The following CADM2 variants were observed in gnomAD, a reference collection of about 807,000 sequenced individuals.
The protein encoded by CADM2 is cell adhesion molecule 2.
In CADM2, 12 loss-of-function variants were observed where a neutral mutation model predicts 49.8. The observed-to-expected ratio is 0.24, with a 90% CI of 0.15 to 0.39. CADM2 has a LOEUF of 0.39. CADM2 is among the 10% of genes least tolerant of loss of function. CADM2 has a pLI of 1.00. For synonymous variants in CADM2, 214 were observed against 175.4 expected, an observed-to-expected ratio of 1.22 and a Z score of -1.74; for missense variants, 378 against 492.3, an observed-to-expected ratio of 0.77 and a Z score of 2.20.
At chr3:85,324,701 T>G (rs370624438) in intron 1 of CADM2, among the ~76,000 whole-genome samples, 1 of 152,250 alleles carries the variant, frequency 6.6e-6, no homozygotes, top group Admixed American at 6.5e-5. Context: ...ATGGGAGCTT[T>G]GTAAACTCTG....
At chr3:85,429,024 G>C (rs1019350153) in intron 1 of CADM2, among the ~76,000 whole-genome samples, 3 of 151,878 alleles carry the variant, frequency 2.0e-5, no homozygotes, top group African/African-American at 7.3e-5. Context: ...TTTGGTTTTA[G>C]TTTACTTGAC....
At chr3:85,859,530 C>T (rs2075445199) in intron 3 of CADM2, among the ~76,000 whole-genome samples, 1 of 152,126 alleles carries the variant, frequency 6.6e-6, no homozygotes, top group Non-Finnish European at 1.5e-5. Context: ...CTGTGCCTGG[C>T]CCATCCTGTG....
intron 1 of CADM2, among the ~76,000 whole-genome samples, chr3:84,966,483 A>T (rs912892678): frequency 2.6e-5 from 4 of 151,840 alleles, no homozygotes; most frequent in Non-Finnish European, 5.9e-5. Context: ...ATTTTTTTTT[A>T]AAGTAAATTT....
chr3:85,644,245 AAG>A (rs545604200), intron 1 of CADM2, among the ~76,000 whole-genome samples: 7 of 152,092 alleles, frequency 4.6e-5, no homozygotes, highest in Non-Finnish European at 1.0e-4. Context: ...TGTGCAAAGA[AAG>A]AGAGAGAGGA....
intron 1 of CADM2, among the ~76,000 whole-genome samples, chr3:85,440,921 G>C (rs1055577761): frequency 6.6e-6 from 1 of 152,058 alleles, no homozygotes; most frequent in Non-Finnish European, 1.5e-5. Context: ...GTTGGAGGTT[G>C]CAGTGAGCCA....
chr3:85,042,393 C>T (rs1476689103), intron 1 of CADM2, among the ~76,000 whole-genome samples: 16 of 152,100 alleles, frequency 1.1e-4, no homozygotes, highest in African/African-American at 3.6e-4. Context: ...TATTTCAATG[C>T]TTGTTTAGTG....
intron 1 of CADM2, among the ~76,000 whole-genome samples, chr3:85,519,678 G>T (rs528449163): frequency 7.9e-5 from 12 of 152,208 alleles, no homozygotes; most frequent in African/African-American, 2.9e-4. Context: ...TCTAAGAAGA[G>T]CTTGGACTGT....
chr3:86,002,968 A>G (rs575015241), intron 8 of CADM2, among the ~76,000 whole-genome samples: 2 of 152,236 alleles, frequency 1.3e-5, no homozygotes, highest in African/African-American at 2.4e-5. Flanking sequence ...GCTATGTATT[A>G]TTTTCTGTTT....
chr3:85,680,815 A>G (rs910939179), intron 1 of CADM2, among the ~76,000 whole-genome samples: 2 of 152,128 alleles, frequency 1.3e-5, no homozygotes, highest in African/African-American at 4.8e-5. Context: ...GGCTGCAAAA[A>G]TGGTACAATC....
intron 1 of CADM2, among the ~76,000 whole-genome samples, chr3:85,371,306 C>T (rs1240024019): frequency 6.6e-6 from 1 of 152,036 alleles, no homozygotes; most frequent in Non-Finnish European, 1.5e-5. Flanking sequence ...TGTGGCAAGT[C>T]AGTACTCTAC....
At chr3:85,067,757 G>T (rs757473500) in intron 1 of CADM2, among the ~76,000 whole-genome samples, 2 of 152,102 alleles carry the variant, frequency 1.3e-5, no homozygotes, top group Non-Finnish European at 2.9e-5. Context: ...ACTGTGGATA[G>T]AATTAATCTA....
chr3:85,508,799 C>T (rs1191203558), intron 1 of CADM2, among the ~76,000 whole-genome samples: 1 of 151,082 alleles, frequency 6.6e-6, no homozygotes, highest in East Asian at 2.0e-4. Context: ...TGAGTGAAAA[C>T]GAAGAGCCTC....
chr3:85,572,153 C>T (rs1445991562), intron 1 of CADM2, among the ~76,000 whole-genome samples: 3 of 151,998 alleles, frequency 2.0e-5, no homozygotes, highest in Admixed American at 6.6e-5. Context: ...AAAAATTAGC[C>T]GGGCATGGTG....
intron 1 of CADM2, among the ~76,000 whole-genome samples, chr3:85,719,604 C>T (rs1472791042): frequency 6.6e-6 from 1 of 152,026 alleles, no homozygotes; most frequent in Non-Finnish European, 1.5e-5. Flanking sequence ...GGAGGTGGAT[C>T]ATTATAGGAT....
At chr3:86,015,620 G>T (rs1732128165) in intron 8 of CADM2, among the ~76,000 whole-genome samples, 1 of 152,132 alleles carries the variant, frequency 6.6e-6, no homozygotes, top group African/African-American at 2.4e-5. Flanking sequence ...CGCCAAACAA[G>T]GATTTCAGTG....
intron 8 of CADM2, among the ~76,000 whole-genome samples, chr3:86,021,036 G>C (rs1016255581): frequency 1.3e-5 from 2 of 152,210 alleles, no homozygotes; most frequent in Non-Finnish European, 2.9e-5. Context: ...TGTCACCCAG[G>C]TCACACAGGC....
intron 8 of CADM2, among the ~76,000 whole-genome samples, chr3:86,055,476 T>TTTTTTG (rs1737833542): frequency 7.6e-6 from 1 of 131,092 alleles, no homozygotes; most frequent in African/African-American, 3.2e-5. Flanking sequence ...TTTTTTTTTT[T>TTTTTTG]TTTGGTTTTA....
intron 1 of CADM2, among the ~76,000 whole-genome samples, chr3:85,503,172 C>T (rs1182703387): frequency 6.6e-6 from 1 of 152,044 alleles, no homozygotes; most frequent in African/African-American, 2.4e-5. Context: ...TAAGAAAACT[C>T]AGTGGATGTT....
intron 1 of CADM2, among the ~76,000 whole-genome samples, chr3:85,208,060 A>C (rs949650610): frequency 6.6e-6 from 1 of 152,184 alleles, no homozygotes; most frequent in Non-Finnish European, 1.5e-5. Flanking sequence ...CATATTGTCT[A>C]CAACACTGTA....
Sources: gnomAD v4.1 joint callset for allele counts (sites outside exome capture counted in the v4.1 genomes callset) on GRCh38, gnomAD v4.1.1 for gene constraint, MANE v1.5 for transcripts, NCBI Gene and HGNC (gene_info 2026-07-23, HGNC 2026-07-21) for gene names.